GAB3: variants seen among roughly 807,000 people sequenced by gnomAD.
GAB3 encodes the protein GRB2 associated binding protein 3.
Under a neutral mutation model 40.4 loss-of-function variants are expected in GAB3, and 12 were observed. That is an observed-to-expected ratio of 0.30 (90% CI 0.19 to 0.48). The LOEUF (loss-of-function observed/expected upper bound fraction) is 0.48. Among genes scored for constraint, GAB3 ranks in the 20% least tolerant of loss-of-function variants. The pLI, the probability that GAB3 is intolerant of heterozygous loss-of-function variation, is 0.99. For missense variants in GAB3, 381 were observed against 461.9 expected (o/e 0.82, Z 1.61); for synonymous variants, 154 against 176.7 (o/e 0.87, Z 1.02).
intron 4 of GAB3, among the ~76,000 whole-genome samples, chrX:154,710,077 AT>A (rs2070907784): frequency 9.9e-6 from 1 of 100,938 alleles, no homozygotes; most frequent in Non-Finnish European, 2.1e-5. Context: ...TACATAATGC[AT>A]ATGCATATCA....
chrX:154,733,792 T>G lies in GAB3; in HGVS notation c.72+17162A>C, dbSNP rs782634771. On this transcript the variant is annotated intron_variant, in intron 1 of 9. Transcript: ENST00000424127. ...CGTTAAGTGAGATTGATCTACAATT[T>G]TCTTTTTTGTACCGTAAGCTCTTTA... 6.2e-5 allele frequency among the ~76,000 whole-genome samples: 7 copies of G among 112,327 alleles called. 1 individual carries two copies. The highest frequency in any genetic ancestry group is 9.1e-3 in the Middle Eastern group (2 of 219).
intron 1 of GAB3, among the ~76,000 whole-genome samples, chrX:154,744,146 G>A (rs1287255247): frequency 2.5e-4 from 26 of 103,874 alleles, no homozygotes; most frequent in African/African-American, 7.1e-4. Flanking sequence ...CCCAGGAGGC[G>A]GGGGTTGCAG....
rs1190213387 is a variant in GAB3 at position 154,675,951 on chromosome X, C to T, written c.*2227G>A. The T allele has an allele frequency of 3.6e-5, 4 of 112,101 alleles. No individual in the cohort carries two copies. Among genetic ancestry groups the T allele is most frequent in the African/African-American group, 1.3e-4 (4 of 30,792 alleles). The allele number at this position is 112,101 out of a possible 1,213,427, so 9.2% of individuals were successfully genotyped here. On this transcript the variant is annotated 3_prime_UTR_variant, in exon 10 of 10. Transcript: ENST00000424127. ...TATCAAAGCAGGACATAATTGCCTA[C>T]ACTCTGGAAATGAGGGGTGAGTCAC...
chrX:154,681,446 T>G (rs1311218018), intron 8 of GAB3, among the ~76,000 whole-genome samples: 1 of 106,123 alleles, frequency 9.4e-6, no homozygotes, highest in Non-Finnish European at 2.0e-5. Flanking sequence ...TTTTTTTTTT[T>G]GCCTTGTTTC....
At chrX:154,694,533 C>T (rs1310460583) in intron 8 of GAB3, among the ~76,000 whole-genome samples, 1 of 110,381 alleles carries the variant, frequency 9.1e-6, no homozygotes, top group Non-Finnish European at 1.9e-5. Flanking sequence ...ACTACAGGCG[C>T]CCGCCACCAC....
intron 1 of GAB3, among the ~76,000 whole-genome samples, chrX:154,722,957 C>T (rs1328264708): frequency 1.8e-5 from 2 of 111,517 alleles, no homozygotes; most frequent in South Asian, 3.7e-4. Flanking sequence ...TGGCTCACTG[C>T]AACCTCCACC....
chrX:154,748,039 T>C (rs2071554682), intron 1 of GAB3, among the ~76,000 whole-genome samples: 1 of 112,104 alleles, frequency 8.9e-6, no homozygotes, highest in Non-Finnish European at 1.9e-5. Context: ...CTGGCACATA[T>C]AAACATTCAA....
In GAB3 at chrX:154,751,077, G is replaced by A; in HGVS notation, c.-52C>T. 1.3e-6 allele frequency: 1 copy of A among 771,802 alleles called. No individual in the cohort carries two copies. The highest frequency in any genetic ancestry group is 1.5e-6 in the Non-Finnish European group (1 of 650,408). The allele number at this position is 771,802 out of a possible 1,213,427, so 63.6% of individuals were successfully genotyped here. ...GCTGGGCCAGCCGCCCGCGGCAGAAGGAAGTCGGGCCAAGGATGCCGGCGG... is the reference window on the plus strand; with the variant it reads ...GCTGGGCCAGCCGCCCGCGGCAGAAAGAAGTCGGGCCAAGGATGCCGGCGG... On this transcript the variant is annotated 5_prime_UTR_variant, in exon 1 of 10. Transcript: ENST00000424127.
At chrX:154,737,140 C>T (rs936959302) in intron 1 of GAB3, among the ~76,000 whole-genome samples, 28 of 111,918 alleles carry the variant, frequency 2.5e-4, no homozygotes, top group Admixed American at 8.5e-4. Context: ...CAGAAAGACT[C>T]GGAAGCCCCA....
intron 8 of GAB3, among the ~76,000 whole-genome samples, chrX:154,680,889 G>C (rs187969442): frequency 2.7e-5 from 3 of 112,075 alleles, no homozygotes; most frequent in African/African-American, 9.7e-5. Context: ...ATGCATTTTG[G>C]GCGGCTTCAG....
At chrX:154,709,518 CCAT>C (rs1557255004) in intron 4 of GAB3, among the ~76,000 whole-genome samples, 1 of 109,218 alleles carries the variant, frequency 9.2e-6, no homozygotes, top group Non-Finnish European at 1.9e-5. Flanking sequence ...CAGGGTTCCA[CCAT>C]ATTGGCCAGG....
At chrX:154,717,645 T>A (rs1310755139) in intron 1 of GAB3, among the ~76,000 whole-genome samples, 1 of 111,449 alleles carries the variant, frequency 9.0e-6, no homozygotes, top group Non-Finnish European at 1.9e-5. Flanking sequence ...GGCTTCCCAC[T>A]CACCATTGAC....
chrX:154,743,549 T>C (rs149763825), intron 1 of GAB3, among the ~76,000 whole-genome samples: 487 of 111,869 alleles, frequency 4.4e-3, no homozygotes, highest in African/African-American at 0.015. Context: ...TTATAGCACA[T>C]GTAAAAGTAA....
chrX:154,700,164 A>G, intron 4 of GAB3, 105 bp from the exon 5 acceptor site: 1 of 609,735 alleles, frequency 1.6e-6, no homozygotes, highest in Non-Finnish European at 2.6e-6. Flanking sequence ...ATTAGAGTCT[A>G]GCTGGGCAGT....
chrX:154,689,094 T>C lies in GAB3; in HGVS notation c.1530+6823A>G, dbSNP rs782512112. On this transcript the variant is annotated intron_variant, in intron 8 of 9. Transcript: ENST00000424127. The stretch of plus-strand genomic sequence containing the variant: ...GATCAAGTGGGCTTCATCCCTGGGA[T>C]GCAAGGCTGGTTCAATATACGCAAA... Among the ~76,000 whole-genome samples the C allele has an allele frequency of 1.9e-4, 21 of 111,581 alleles. No homozygotes were observed. The South Asian group carries it at 7.2e-3, about 38-fold the overall frequency.
At position 154,699,419 on chromosome X, in the gene GAB3, C is replaced by T. The variant is rs782782979; in HGVS notation, c.1220G>A (p.Gly407Glu). The T allele has an allele frequency of 2.5e-6, 3 of 1,211,194 alleles. No individual in the cohort carries two copies. In the South Asian group the frequency reaches 5.3e-5, roughly 21 times the overall value. ...GTAGTCATCAGGGCTGCAGTGGGGT[C>T]CAAGACCAGAGGCACCAGCCTGGGG... Reference protein sequence around the residue: ...MSPQAGASGLGPHCSPDDYIP... With the variant: ...MSPQAGASGLEPHCSPDDYIP... Residue 407 changes from glycine (G) to glutamate (E), a missense_variant, in exon 6 of 10, where the codon GGA becomes GAA. Physicochemically the swap from Gly to Glu is moderately conservative, Grantham distance 98 (BLOSUM62 -2). Coordinates refer to ENST00000424127, the MANE Select transcript of GAB3 (RefSeq NM_001081573.3).
At chrX:154,712,763 C>T (rs868985541) in intron 3 of GAB3, 62 bp from the exon 4 acceptor site, 9 of 708,382 alleles carry the variant, frequency 1.3e-5, no homozygotes, top group Middle Eastern at 6.9e-4. Context: ...ACAAAACCAA[C>T]GCTGGCCTCA....
At chrX:154,743,422 G>A (rs1355944322) in intron 1 of GAB3, among the ~76,000 whole-genome samples, 1 of 111,412 alleles carries the variant, frequency 9.0e-6, no homozygotes, top group Non-Finnish European at 1.9e-5. Context: ...GAAATGAAGA[G>A]TGACGGAAAT....
Position 154,713,410 on chromosome X carries a change from G to C in GAB3, c.393C>G (p.Ser131Arg), listed in dbSNP as rs781981537. 1.7e-6 allele frequency: 2 copies of C among 1,204,403 alleles called. No homozygotes were observed. Among genetic ancestry groups the C allele is most frequent in the East Asian group, 5.9e-5 (2 of 33,766 alleles). ...GCAGGGAGGAGGGCGTGTAAGAGAGGCTCTCCATGGAATCTGCTGGAGAAA... is the reference window on the plus strand; with the variant it reads ...GCAGGGAGGAGGGCGTGTAAGAGAGCCTCTCCATGGAATCTGCTGGAGAAA... The part of the protein sequence containing the change: ...LEDGAADSME[S>R]LSYTPSSLQP... The change falls in exon 3 of 10, where the codon AGC (serine) becomes AGG (arginine). Residue 131 changes from serine to arginine, a missense_variant. Coordinates refer to ENST00000424127, the MANE Select transcript of GAB3 (RefSeq NM_001081573.3).
Sources: gnomAD v4.1 joint callset for allele counts (sites outside exome capture counted in the v4.1 genomes callset) on GRCh38, gnomAD v4.1.1 for gene constraint, MANE v1.5 for transcripts, NCBI Gene and HGNC (gene_info 2026-07-23, HGNC 2026-07-21) for gene names.